NDUFA5: variants seen among roughly 807,000 people sequenced by gnomAD.
NDUFA5 encodes the protein NADH dehydrogenase [ubiquinone] 1 alpha subcomplex subunit 5.
NDUFA5 carries 11 observed loss-of-function variants against 19.8 expected under a neutral mutation model. The ratio of observed to expected loss-of-function variants is 0.56; its 90% CI spans 0.35 to 0.92. NDUFA5 has a LOEUF of 0.92. NDUFA5 is among the 40% of genes least tolerant of loss of function. The pLI is 0.01. For missense variants in NDUFA5, 109 were observed against 134.2 expected, an observed-to-expected ratio of 0.81 and a Z score of 0.93; for synonymous variants, 47 against 46.8, an observed-to-expected ratio of 1.00 and a Z score of -0.01.
chr7:123,584,308 CAAAAAAAAA>C, the NDUFA5 span, among the ~76,000 whole-genome samples: 28 of 99,506 alleles, frequency 2.8e-4, no homozygotes, highest in Admixed American at 1.0e-3. Context: ...AAGGCCTTGT[CAAAAAAAAA>C]AAAAAAAAAA....
At chr7:123,551,257 G>A (rs1288794915) in intron 2 of NDUFA5, 1 of 148,640 alleles carries the variant, frequency 6.7e-6, no homozygotes, top group African/African-American at 2.5e-5. Context: ...AGCCCAGGCT[G>A]GAGTACAATG....
the NDUFA5 span, among the ~76,000 whole-genome samples, chr7:123,586,116 A>G: frequency 3.3e-5 from 5 of 151,866 alleles, no homozygotes; most frequent in Non-Finnish European, 5.9e-5. Context: ...GCTAGATCAT[A>G]TAATAGATTT....
At chr7:123,558,054 C>T, upstream of NDUFA5, 2 of 600,660 alleles carry the variant, frequency 3.3e-6, no homozygotes, top group South Asian at 2.1e-5. Context: ...GTTCCTGTTC[C>T]TGCCACTGCT....
intron 2 of NDUFA5, among the ~76,000 whole-genome samples, chr7:123,552,258 T>C (rs1798370955): frequency 6.6e-6 from 1 of 151,482 alleles, no homozygotes; most frequent in Non-Finnish European, 1.5e-5. Context: ...AGTGATAGAC[T>C]GGATAAAGAA....
chr7:123,598,046 G>A, the NDUFA5 span, among the ~76,000 whole-genome samples: 1 of 151,322 alleles, frequency 6.6e-6, no homozygotes, highest in African/African-American at 2.4e-5. Context: ...AAGCTTTTGG[G>A]ACTAGAACCA....
the NDUFA5 span, among the ~76,000 whole-genome samples, chr7:123,564,451 C>T: frequency 6.6e-6 from 1 of 152,126 alleles, no homozygotes; most frequent in Non-Finnish European, 1.5e-5. Flanking sequence ...CAGACCTAAC[C>T]TCCTGTATTA....
rs1004271696 is a variant in NDUFA5 at position 123,541,469 on chromosome 7, G to A, written c.*650C>T. On this transcript the variant is annotated 3_prime_UTR_variant, in exon 5 of 5. Transcript: ENST00000355749. ...TTTGAAGGTTTTCAAATATAATACA[G>A]TAACAACAAAATATAATAAAATTAA... 1.3e-5 allele frequency: 2 copies of A among 152,108 alleles called. No individual in the cohort carries two copies. The highest frequency in any genetic ancestry group is 4.8e-5 in the African/African-American group (2 of 41,410). The allele number at this position is 152,108 out of a possible 1,614,324, so 9.4% of individuals were successfully genotyped here.
chr7:123,574,509 G>C, the NDUFA5 span, among the ~76,000 whole-genome samples: 2 of 152,142 alleles, frequency 1.3e-5, no homozygotes, highest in Non-Finnish European at 2.9e-5. Context: ...GATAATGATA[G>C]TGGGCTGTGA....
chr7:123,543,443 C>T (rs1798015243), intron 4 of NDUFA5, among the ~76,000 whole-genome samples: 1 of 152,242 alleles, frequency 6.6e-6, no homozygotes, highest in Non-Finnish European at 1.5e-5. Context: ...ACTACCCATA[C>T]ATGGCTACTG....
the NDUFA5 span, among the ~76,000 whole-genome samples, chr7:123,581,698 G>A: frequency 6.6e-6 from 1 of 151,886 alleles, no homozygotes; most frequent in Non-Finnish European, 1.5e-5. Flanking sequence ...CTACTAGATA[G>A]TAGGATTGTA....
chr7:123,557,680 G>C (rs750520469), intron 1 of NDUFA5, 95 bp downstream of exon 1: 28 of 1,613,888 alleles, frequency 1.7e-5, no homozygotes, highest in Non-Finnish European at 2.3e-5. Context: ...CGCCGAGCCC[G>C]CGACAGTAGG....
chr7:123,574,654 C>T, the NDUFA5 span, among the ~76,000 whole-genome samples: 2 of 152,128 alleles, frequency 1.3e-5, no homozygotes, highest in Non-Finnish European at 2.9e-5. Context: ...TAACATTGAA[C>T]CTCATTCTAC....
the NDUFA5 span, among the ~76,000 whole-genome samples, chr7:123,600,717 C>T: frequency 7.2e-5 from 11 of 152,106 alleles, no homozygotes; most frequent in African/African-American, 2.4e-4. Context: ...CTGAAACGCA[C>T]CTTCTTTTAT....
At chr7:123,578,473 G>T in the NDUFA5 span, among the ~76,000 whole-genome samples, 2 of 151,804 alleles carry the variant, frequency 1.3e-5, no homozygotes, top group Non-Finnish European at 2.9e-5. Context: ...CTGGAACTTT[G>T]TTTCCTCTAT....
At chr7:123,558,122 T>C, upstream of NDUFA5, 1 of 482,516 alleles carries the variant, frequency 2.1e-6, no homozygotes, top group Non-Finnish European at 3.8e-6. Flanking sequence ...CTCCAGTCGC[T>C]GTAGGAACCT....
the NDUFA5 span, among the ~76,000 whole-genome samples, chr7:123,593,063 GTTTGT>G: frequency 6.6e-6 from 1 of 151,850 alleles, no homozygotes; most frequent in Non-Finnish European, 1.5e-5. Flanking sequence ...TTGGTTTAAA[GTTTGT>G]TTTATCAGAG....
chr7:123,563,998 A>G, the NDUFA5 span, among the ~76,000 whole-genome samples: 1 of 152,376 alleles, frequency 6.6e-6, no homozygotes, highest in South Asian at 2.1e-4. Flanking sequence ...GAATTTGACT[A>G]CATTAATATT....
At chr7:123,600,444 A>G in the NDUFA5 span, among the ~76,000 whole-genome samples, 1 of 152,172 alleles carries the variant, frequency 6.6e-6, no homozygotes, top group Non-Finnish European at 1.5e-5. Context: ...TTAGGTGCAC[A>G]TTTTCCCACA....
chr7:123,598,497 C>T, the NDUFA5 span, among the ~76,000 whole-genome samples: 1 of 151,372 alleles, frequency 6.6e-6, no homozygotes, highest in South Asian at 2.1e-4. Context: ...ACTTTGTTCG[C>T]AAAAGGAAAA....
Sources: allele counts gnomAD v4.1 joint callset (sites outside exome capture counted in the v4.1 genomes callset), GRCh38; gene constraint gnomAD v4.1.1; transcripts MANE v1.5; gene names NCBI Gene and HGNC (gene_info 2026-07-23, HGNC 2026-07-21).